LMBRD2: variants seen among roughly 807,000 people sequenced by gnomAD.
LMBRD2 encodes G protein-coupled receptor-associated protein LMBRD2.
A neutral mutation model predicts 94.4 loss-of-function variants in LMBRD2; 55 were observed. The observed-to-expected ratio is 0.58, with a 90% CI of 0.47 to 0.73. The LOEUF (loss-of-function observed/expected upper bound fraction) is 0.73. Ranked by LOEUF, LMBRD2 falls within the 30% of genes least tolerant of loss-of-function variation. The pLI, the probability that LMBRD2 is intolerant of heterozygous loss-of-function variation, is 0.00. For missense variants in LMBRD2, 640 were observed against 831.9 expected (o/e 0.77, Z 2.84); for synonymous variants, 246 against 272.4 (o/e 0.90, Z 0.95).
chr5:36,104,965 G>T, intron 17 of LMBRD2, 103 bp downstream of exon 17: 1 of 1,101,998 alleles, frequency 9.1e-7, no homozygotes, highest in Non-Finnish European at 1.3e-6. Flanking sequence ...CTTATCACTT[G>T]TTTACTTTCA....
chr5:36,138,579 G>A (rs1036216219), intron 4 of LMBRD2, among the ~76,000 whole-genome samples: 10 of 152,220 alleles, frequency 6.6e-5, no homozygotes, highest in African/African-American at 1.9e-4. Context: ...AAGCGTGAGC[G>A]AGGCTTCTGG....
At chr5:36,122,499 C>G (rs1352579482) in intron 8 of LMBRD2, 36 bp from the exon 9 acceptor site, 3 of 1,556,942 alleles carry the variant, frequency 1.9e-6, no homozygotes, top group Admixed American at 1.8e-5. Flanking sequence ...TGGCAGTGTT[C>G]TGATCCAACA....
chr5:36,122,000 T>C (rs115176211), intron 9 of LMBRD2, among the ~76,000 whole-genome samples: 1,535 of 152,292 alleles, frequency 0.01, 23 homozygotes, highest in African/African-American at 0.035. Flanking sequence ...AAGCAATGCA[T>C]AATTGTATAT....
chr5:36,108,595 C>G lies in LMBRD2; in HGVS notation c.1836G>C (p.Arg612Ser), dbSNP rs932545890. The change falls in exon 16 of 18, where the codon AGG becomes AGC. Residue 612 changes from arginine to serine, a missense_variant. By Grantham distance (110) the Arg-to-Ser change is moderately radical. Transcript: ENST00000296603. ...TGGGGTCAGTATGAATATTTCTGTT[C>G]CTAGTGGAATCTTCTCTATTGTGTC... The part of the protein sequence containing the change: ...RYGHNREDST[R>S]NRNIHTDPKE... 6 of 1,594,532 alleles carry G rather than the reference C, an allele frequency of 3.8e-6. No individual in the cohort carries two copies. Among genetic ancestry groups the G allele is most frequent in the Non-Finnish European group, 5.1e-6 (6 of 1,166,792 alleles).
rs1428077982 is a variant in LMBRD2, at chr5:36,105,095, T to C, written c.2000A>G (p.Asp667Gly). 6.2e-7 allele frequency: 1 copy of C among 1,612,668 alleles called. No homozygotes were observed. The highest frequency in any genetic ancestry group is 1.3e-5 in the African/African-American group (1 of 74,856). Residue 667 changes from aspartate (D) to glycine (G), a missense_variant, in exon 17 of 18, where the codon GAT (aspartate) becomes GGT (glycine). Asp to Gly is a moderately conservative substitution (Grantham distance 94, BLOSUM62 -1). This residue lies in a region of LMBRD2 where 183 missense variants were observed against 189.1 expected (regional missense o/e 0.97). Coordinates refer to ENST00000296603, the MANE Select transcript of LMBRD2 (RefSeq NM_001007527.2). Reference sequence around the variant, plus strand: ...TCCTGATTCAGATTCAAGAGGATCATCAGTGAATGTTTCTGCATTAAAATC... The same window carrying C: ...TCCTGATTCAGATTCAAGAGGATCACCAGTGAATGTTTCTGCATTAAAATC... ...PLDFNAETFT[D>G]DPLESESGRY...
rs1743321220 is a variant in LMBRD2 at position 36,100,312 on chromosome 5, T to C, written c.*3734A>G. 1 of 152,138 alleles carries C rather than the reference T, an allele frequency of 6.6e-6. No homozygotes were observed. Among genetic ancestry groups the C allele is most frequent in the Non-Finnish European group, 1.5e-5 (1 of 68,004 alleles). The allele number at this position is 152,138 out of a possible 1,614,324, so 9.4% of individuals were successfully genotyped here. ...CTCTTTAGTGACCTAAAAGATACAC[T>C]GAGCCAGCATACTTTACATTTGTAT... On this transcript the variant is annotated 3_prime_UTR_variant, in exon 18 of 18. Coordinates refer to ENST00000296603, the MANE Select transcript of LMBRD2 (RefSeq NM_001007527.2).
chr5:36,114,842 A>G (rs535248953), intron 12 of LMBRD2, among the ~76,000 whole-genome samples, 173 bp downstream of exon 12: 1 of 152,298 alleles, frequency 6.6e-6, no homozygotes, highest in African/African-American at 2.4e-5. Flanking sequence ...TTTTATCATA[A>G]AAGAAGGAAA....
At chr5:36,149,382 T>C (rs1037612770) in intron 1 of LMBRD2, among the ~76,000 whole-genome samples, 2 of 152,202 alleles carry the variant, frequency 1.3e-5, no homozygotes, top group Admixed American at 6.5e-5. Context: ...AAGTCCAATA[T>C]AGTACAGACT....
intron 6 of LMBRD2, among the ~76,000 whole-genome samples, chr5:36,132,727 T>C (rs1190613312): frequency 3.3e-5 from 5 of 151,670 alleles, no homozygotes; most frequent in African/African-American, 1.2e-4. Flanking sequence ...ATAGTTTTCA[T>C]TGCAGAGATC....
intron 6 of LMBRD2, 120 bp from the exon 7 acceptor site, chr5:36,124,385 G>T: frequency 1.8e-6 from 1 of 557,404 alleles, no homozygotes; most frequent in Non-Finnish European, 3.2e-6. Context: ...AAATTACTTT[G>T]CATTACATGA....
intron 10 of LMBRD2, among the ~76,000 whole-genome samples, chr5:36,116,885 A>G (rs529253291): frequency 6.6e-6 from 1 of 152,206 alleles, no homozygotes; most frequent in African/African-American, 2.4e-5. Flanking sequence ...CATGTTTGCC[A>G]GGCTGGTCTC....
chr5:36,111,662 A>T (rs2111850608), intron 13 of LMBRD2, among the ~76,000 whole-genome samples: 1 of 152,178 alleles, frequency 6.6e-6, no homozygotes, highest in East Asian at 1.9e-4. Context: ...TCTGAAGACT[A>T]CTACCTTATA....
intron 16 of LMBRD2, among the ~76,000 whole-genome samples, chr5:36,106,394 A>C (rs906746006): frequency 6.6e-6 from 1 of 152,058 alleles, no homozygotes; most frequent in African/African-American, 2.4e-5. Flanking sequence ...CACTTCCCCA[A>C]GAATTATGCT....
intron 6 of LMBRD2, among the ~76,000 whole-genome samples, chr5:36,130,523 A>G (rs1283251543): frequency 6.6e-6 from 1 of 152,190 alleles, no homozygotes; most frequent in Non-Finnish European, 1.5e-5. Context: ...AAAGAAAAGA[A>G]TATCACAAAA....
At chr5:36,122,238 CTT>C in intron 9 of LMBRD2, 40 bp downstream of exon 9, 1 of 1,432,738 alleles carries the variant, frequency 7.0e-7, no homozygotes. Context: ...CTACAGAAAA[CTT>C]TTCATCATTA....
At position 36,101,859 on chromosome 5, in the gene LMBRD2, G is replaced by T. The variant is rs1329356145; in HGVS notation, c.*2187C>A. The T allele has an allele frequency of 6.6e-6, 1 of 151,742 alleles. No homozygotes were observed. The highest frequency in any genetic ancestry group is 2.4e-5 in the African/African-American group (1 of 41,364). The allele number at this position is 151,742 out of a possible 1,614,324, so 9.4% of individuals were successfully genotyped here. On this transcript the variant is annotated 3_prime_UTR_variant, in exon 18 of 18. Transcript: ENST00000296603. ...AACCATAAAAAATTTAATACTAAAG[G>T]AAAGTGGTAACATTACCTTACACGT...
In LMBRD2 at chr5:36,141,150, T is replaced by C. The variant is rs151219919; in HGVS notation, c.325A>G (p.Ile109Val). 3.2e-5 allele frequency: 51 copies of C among 1,611,780 alleles called. No individual in the cohort carries two copies. In the African/African-American group the frequency reaches 3.5e-4, roughly 11 times the overall value. Residue 109 changes from isoleucine (I) to valine (V), a missense_variant, in exon 4 of 18, where the codon ATT (isoleucine) becomes GTT (valine). Physicochemically the swap from Ile to Val is conservative, Grantham distance 29 (BLOSUM62 3). Transcript: ENST00000296603. Reference protein sequence around the residue: ...WSYIPDGIMPIFWRVVYWTSQ... With the variant: ...WSYIPDGIMPVFWRVVYWTSQ... ...GTCCAATACACTACCCTCCAGAAAA[T>C]TGGCATGATTCCATCAGGAATGTAA...
At chr5:36,131,454 T>G (rs1744150585) in intron 6 of LMBRD2, among the ~76,000 whole-genome samples, 2 of 152,080 alleles carry the variant, frequency 1.3e-5, no homozygotes, top group Admixed American at 1.3e-4. Flanking sequence ...TTCACCACTG[T>G]TATTCAATAT....
chr5:36,122,313 G>T lies in LMBRD2; in HGVS notation c.1087C>A (p.Arg363=). The T allele has an allele frequency of 1.2e-6, 2 of 1,602,778 alleles. No homozygotes were observed. The highest frequency in any genetic ancestry group is 1.7e-6 in the Non-Finnish European group (2 of 1,176,620). ...GGATTATAAAAATATTGGATAAATCGATTTTCTGGCTCTGGCGATTGAAAG... is the reference window on the plus strand; with the variant it reads ...GGATTATAAAAATATTGGATAAATCTATTTTCTGGCTCTGGCGATTGAAAG... ...HTFQSPEPEN[R]FIQYFYNPTF... The change falls in exon 9 of 18, where the codon CGA becomes AGA. Residue 363 remains arginine, a synonymous_variant. Coordinates refer to ENST00000296603, the MANE Select transcript of LMBRD2 (RefSeq NM_001007527.2).
Sources: gnomAD v4.1 joint callset for allele counts (sites outside exome capture counted in the v4.1 genomes callset) on GRCh38, gnomAD v4.1.1 for gene constraint, gnomAD v4.1.1 regional missense constraint, MANE v1.5 for transcripts, NCBI Gene and HGNC (gene_info 2026-07-23, HGNC 2026-07-21) for gene names.